The following LRBA variants were observed in gnomAD, a reference collection of about 807,000 sequenced individuals.
The protein encoded by LRBA is LPS responsive beige-like anchor protein.
In LRBA, 176 loss-of-function variants were observed where a neutral mutation model predicts 330.0. The ratio of observed to expected loss-of-function variants is 0.53; its 90% confidence interval spans 0.47 to 0.60. The LOEUF (loss-of-function observed/expected upper bound fraction) is 0.60. LRBA is among the 20% of genes least tolerant of loss of function. The pLI is 0.00. For synonymous variants in LRBA, 1,230 were observed against 1,193.0 expected (o/e 1.03, Z -0.64); for missense variants, 3,259 against 3,444.8 (o/e 0.95, Z 1.35).
chr4:150,566,776 T>C (rs965368404), intron 40 of LRBA, among the ~76,000 whole-genome samples: 3 of 152,192 alleles, frequency 2.0e-5, no homozygotes, highest in African/African-American at 4.8e-5. Flanking sequence ...GATACAACTT[T>C]TAAAAATACA....
intron 47 of LRBA, among the ~76,000 whole-genome samples, chr4:150,362,377 G>T (rs933781299): frequency 3.9e-5 from 6 of 152,084 alleles, no homozygotes; most frequent in African/African-American, 1.2e-4. Context: ...TATTCTATCG[G>T]TATCCAAACT....
chr4:150,717,675 G>GTAATAATAATAATAATAATAA (rs10522737), intron 36 of LRBA, among the ~76,000 whole-genome samples: 22,246 of 139,532 alleles, frequency 0.16, 2,111 homozygotes, highest in Non-Finnish European at 0.2. Flanking sequence ...AACAATAATA[G>GTAATAATAATAATAATAATAA]TAATAATAAT....
chr4:150,901,126 C>T (rs1210235371), intron 13 of LRBA, among the ~76,000 whole-genome samples: 7 of 151,826 alleles, frequency 4.6e-5, no homozygotes, highest in African/African-American at 1.5e-4. Flanking sequence ...CGTGAAACTT[C>T]GTCTCTACCA....
chr4:150,510,921 T>C (rs1455052371), intron 40 of LRBA, among the ~76,000 whole-genome samples: 1 of 152,296 alleles, frequency 6.6e-6, no homozygotes, highest in East Asian at 1.9e-4. Flanking sequence ...AGTGGCGTGA[T>C]CTTGGCTCAC....
chr4:150,526,502 T>A (rs2152185941), intron 40 of LRBA, among the ~76,000 whole-genome samples: 1 of 152,316 alleles, frequency 6.6e-6, no homozygotes, highest in Admixed American at 6.5e-5. Context: ...GGGACAAGCA[T>A]CAGTTTCTCA....
chr4:150,803,252 T>C (rs1742004331), intron 33 of LRBA, among the ~76,000 whole-genome samples: 1 of 151,766 alleles, frequency 6.6e-6, no homozygotes, highest in Non-Finnish European at 1.5e-5. Flanking sequence ...TAAGAAAATG[T>C]CTTTTTTTAC....
intron 40 of LRBA, among the ~76,000 whole-genome samples, chr4:150,527,822 G>A (rs1284577580): frequency 1.3e-5 from 2 of 152,122 alleles, no homozygotes; most frequent in African/African-American, 4.8e-5. Context: ...AAGAAAATGA[G>A]AAGCCTTGTT....
chr4:150,335,163 G>C (rs1189569739), intron 48 of LRBA, among the ~76,000 whole-genome samples: 1 of 151,678 alleles, frequency 6.6e-6, no homozygotes, highest in African/African-American at 2.4e-5. Context: ...GAAAGAATCA[G>C]ATGAAGACAA....
intron 2 of LRBA, among the ~76,000 whole-genome samples, chr4:150,969,428 G>A (rs1263139964): frequency 6.6e-6 from 1 of 152,180 alleles, no homozygotes. Context: ...GGATGACTTT[G>A]AGAGGTTCAA....
chr4:150,341,504 C>A (rs113194197), intron 48 of LRBA, among the ~76,000 whole-genome samples: 1 of 151,978 alleles, frequency 6.6e-6, no homozygotes, highest in Non-Finnish European at 1.5e-5. Context: ...TCCTACCACA[C>A]GATTTTTTCA....
chr4:150,947,131 C>A (rs1736330623), intron 2 of LRBA, among the ~76,000 whole-genome samples: 1 of 151,190 alleles, frequency 6.6e-6, no homozygotes, highest in South Asian at 2.1e-4. Context: ...CTGGAGAATT[C>A]TTCTAAATAT....
intron 34 of LRBA, among the ~76,000 whole-genome samples, chr4:150,766,829 T>C (rs1351163461): frequency 1.3e-5 from 2 of 152,144 alleles, no homozygotes; most frequent in Non-Finnish European, 2.9e-5. Context: ...TCAAAACACA[T>C]TTCAGCACTT....
intron 44 of LRBA, 151 bp downstream of exon 44, chr4:150,467,522 T>C: frequency 1.9e-6 from 1 of 524,094 alleles, no homozygotes; most frequent in Non-Finnish European, 3.4e-6. Context: ...ACATTAAATT[T>C]TTCCATTTGA....
chr4:150,390,947 A>T (rs556325204), intron 47 of LRBA, among the ~76,000 whole-genome samples: 1 of 152,014 alleles, frequency 6.6e-6, no homozygotes, highest in African/African-American at 2.4e-5. Flanking sequence ...CCCATTGTCT[A>T]TTTACCTCCT....
intron 36 of LRBA, among the ~76,000 whole-genome samples, chr4:150,727,507 T>C (rs12640376): frequency 0.7 from 107,038 of 152,078 alleles, 42,692 homozygotes; most frequent in Non-Finnish European, 0.9. Context: ...ACCTGAAATA[T>C]CAAGCATCTT....
intron 37 of LRBA, among the ~76,000 whole-genome samples, chr4:150,676,056 C>G (rs1456668832): frequency 6.6e-6 from 1 of 152,094 alleles, no homozygotes; most frequent in Non-Finnish European, 1.5e-5. Context: ...TGCAAACAGA[C>G]TATTACTTTC....
chr4:150,567,383 C>T (rs1043584799), intron 40 of LRBA, among the ~76,000 whole-genome samples: 1 of 151,918 alleles, frequency 6.6e-6, no homozygotes, highest in African/African-American at 2.4e-5. Flanking sequence ...GGTGATATAA[C>T]GGACACTATT....
At chr4:150,864,779 T>C (rs1391116458) in intron 22 of LRBA, among the ~76,000 whole-genome samples, 1 of 151,822 alleles carries the variant, frequency 6.6e-6, no homozygotes, top group Admixed American at 6.6e-5. Context: ...CCCAAGTACC[T>C]GGGATTACAG....
At chr4:150,666,166 G>T (rs1781537677) in intron 37 of LRBA, among the ~76,000 whole-genome samples, 1 of 152,080 alleles carries the variant, frequency 6.6e-6, no homozygotes, top group Non-Finnish European at 1.5e-5. Flanking sequence ...GTATCCTCAG[G>T]TTCTGCATCT....
Sources: allele counts gnomAD v4.1 joint callset (sites outside exome capture counted in the v4.1 genomes callset), GRCh38; gene constraint gnomAD v4.1.1; transcripts MANE v1.5; gene names NCBI Gene and HGNC (gene_info 2026-07-23, HGNC 2026-07-21).